Variants in PRDM6 observed in about 807,000 individuals in gnomAD.
PRDM6 encodes the protein PR/SET domain 6, also known as putative histone-lysine N-methyltransferase PRDM6.
In PRDM6, 25 loss-of-function variants were observed where a neutral mutation model predicts 60.8. The ratio of observed to expected loss-of-function variants is 0.41; its 90% CI spans 0.30 to 0.57. The LOEUF (loss-of-function observed/expected upper bound fraction) is 0.57. Among genes scored for constraint, PRDM6 ranks in the 20% least tolerant of loss-of-function variants. The pLI is 0.27. For missense variants in PRDM6, 839 were observed against 821.3 expected (o/e 1.02, Z -0.26); for synonymous variants, 407 against 357.4 (o/e 1.14, Z -1.57).
At chr5:123,153,265 A>G (rs1327062591) in intron 3 of PRDM6, among the ~76,000 whole-genome samples, 1 of 151,938 alleles carries the variant, frequency 6.6e-6, no homozygotes, top group African/African-American at 2.4e-5. Context: ...GTTTTTTGAA[A>G]TCAGTTAAGA....
chr5:123,186,670 A>G (rs1766295722), intron 7 of PRDM6, among the ~76,000 whole-genome samples: 1 of 152,210 alleles, frequency 6.6e-6, no homozygotes, highest in Non-Finnish European at 1.5e-5. Context: ...TTCTGAAGGG[A>G]GTAGAATTCC....
chr5:123,174,235 G>C (rs1392370685), intron 6 of PRDM6, among the ~76,000 whole-genome samples: 1 of 152,140 alleles, frequency 6.6e-6, no homozygotes, highest in Non-Finnish European at 1.5e-5. Flanking sequence ...GGAGCATTTT[G>C]GATTTTCATA....
At chr5:123,158,118 C>T (rs548853528) in intron 4 of PRDM6, among the ~76,000 whole-genome samples, 1 of 152,186 alleles carries the variant, frequency 6.6e-6, no homozygotes, top group Non-Finnish European at 1.5e-5. Context: ...ACCCATTGCT[C>T]GAAAACAGTT....
intron 3 of PRDM6, among the ~76,000 whole-genome samples, chr5:123,109,798 T>C (rs1323770097): frequency 6.6e-6 from 1 of 152,144 alleles, no homozygotes; most frequent in Admixed American, 6.6e-5. Flanking sequence ...AAGAACCAAC[T>C]TGCAAGATGA....
intron 3 of PRDM6, among the ~76,000 whole-genome samples, chr5:123,136,168 ATAT>A (rs1764944969): frequency 6.6e-6 from 1 of 152,158 alleles, no homozygotes; most frequent in Non-Finnish European, 1.5e-5. Flanking sequence ...TTACAAGGTT[ATAT>A]TTCAACCCCA....
chr5:123,133,481 C>T (rs1039185223), intron 3 of PRDM6, among the ~76,000 whole-genome samples: 2 of 151,990 alleles, frequency 1.3e-5, no homozygotes, highest in African/African-American at 4.8e-5. Flanking sequence ...CCTAAATATC[C>T]TTTTTTATTA....
At chr5:123,154,637 A>G (rs1158620253) in intron 3 of PRDM6, among the ~76,000 whole-genome samples, 1 of 152,234 alleles carries the variant, frequency 6.6e-6, no homozygotes, top group Non-Finnish European at 1.5e-5. Context: ...AGCTAAACTA[A>G]TATGAATGAC....
intron 3 of PRDM6, among the ~76,000 whole-genome samples, chr5:123,113,036 G>T (rs1764351997): frequency 6.6e-6 from 1 of 152,104 alleles, no homozygotes; most frequent in South Asian, 2.1e-4. Flanking sequence ...ACATTATGTT[G>T]TACACTTTTG....
chr5:123,095,074 G>A (rs947994048), intron 2 of PRDM6, among the ~76,000 whole-genome samples: 3 of 152,208 alleles, frequency 2.0e-5, no homozygotes, highest in African/African-American at 7.2e-5. Flanking sequence ...GCCCCGCAGG[G>A]TCGAGACTGA....
rs571571336 is a variant in PRDM6 at position 123,105,620 on chromosome 5, A to G, written c.900+5659A>G. Among the ~76,000 whole-genome samples, 4 of 152,242 alleles carry G rather than the reference A, an allele frequency of 2.6e-5. No individual in the cohort carries two copies. In the South Asian group the frequency reaches 8.3e-4, roughly 32 times the overall value. ...AAGATGGATTTAATACACTGGTAGT[A>G]TGGGAAAAACCATTTGCTATTCTAA... is the stretch of plus-strand genomic sequence containing the variant. On this transcript the variant is annotated intron_variant, in intron 3 of 7. Coordinates refer to ENST00000407847, the MANE Select transcript of PRDM6 (RefSeq NM_001136239.4).
At chr5:123,150,587 A>G (rs1159757606) in intron 3 of PRDM6, among the ~76,000 whole-genome samples, 1 of 152,152 alleles carries the variant, frequency 6.6e-6, no homozygotes, top group Admixed American at 6.6e-5. Flanking sequence ...AGTAAAACAT[A>G]TTTATCTATG....
chr5:123,157,062 CTTT>C (rs35295245), intron 4 of PRDM6, among the ~76,000 whole-genome samples: 8 of 140,472 alleles, frequency 5.7e-5, no homozygotes, highest in Non-Finnish European at 4.7e-5. Flanking sequence ...TTTTCCTTTC[CTTT>C]TTTTTTTTTT....
chr5:123,090,648 C>T, intron 2 of PRDM6, 42 bp downstream of exon 2: 3 of 1,270,420 alleles, frequency 2.4e-6, no homozygotes, highest in Non-Finnish European at 3.0e-6. Context: ...GGGGCGCCGG[C>T]GCCGGCGCCG....
chr5:123,110,448 G>A (rs2150212268), intron 3 of PRDM6, among the ~76,000 whole-genome samples: 1 of 151,308 alleles, frequency 6.6e-6, no homozygotes, highest in South Asian at 2.1e-4. Context: ...TAGTAGAGAT[G>A]GGGTTTCACC....
intron 3 of PRDM6, among the ~76,000 whole-genome samples, chr5:123,138,033 G>GCC (rs201652215): frequency 6.6e-6 from 1 of 151,406 alleles, no homozygotes; most frequent in African/African-American, 2.4e-5. Flanking sequence ...GTTCACCCCC[G>GCC]CACCTTTCAA....
intron 3 of PRDM6, among the ~76,000 whole-genome samples, chr5:123,135,389 A>G (rs1353020388): frequency 6.6e-6 from 1 of 152,206 alleles, no homozygotes; most frequent in Non-Finnish European, 1.5e-5. Context: ...TTGTTGCCCA[A>G]AACAAAAATA....
chr5:123,113,441 T>A (rs1237659651), intron 3 of PRDM6, among the ~76,000 whole-genome samples: 2 of 152,220 alleles, frequency 1.3e-5, no homozygotes, highest in African/African-American at 2.4e-5. Flanking sequence ...GTTATTTTAA[T>A]TTATTCTCAC....
intron 5 of PRDM6, among the ~76,000 whole-genome samples, chr5:123,165,748 G>A (rs1392134393): frequency 6.6e-6 from 1 of 152,044 alleles, no homozygotes; most frequent in Non-Finnish European, 1.5e-5. Flanking sequence ...TTATTCTCTG[G>A]CTGTCATTCT....
intron 2 of PRDM6, among the ~76,000 whole-genome samples, chr5:123,093,131 G>GT (rs904648718): frequency 7.9e-5 from 12 of 152,196 alleles, no homozygotes; most frequent in South Asian, 2.1e-4. Flanking sequence ...TTTTCTTTTA[G>GT]TTTTTTTACC....
Sources: gnomAD v4.1 joint callset for allele counts (sites outside exome capture counted in the v4.1 genomes callset) on GRCh38, gnomAD v4.1.1 for gene constraint, MANE v1.5 for transcripts, NCBI Gene and HGNC (gene_info 2026-07-23, HGNC 2026-07-21) for gene names.